IL1RAP: variants seen among roughly 807,000 people sequenced by gnomAD.
IL1RAP encodes interleukin-1 receptor accessory protein.
A neutral mutation model predicts 60.7 loss-of-function variants in IL1RAP; 35 were observed. That is an observed-to-expected ratio of 0.58 (90% CI 0.44 to 0.76). The LOEUF is 0.76. IL1RAP is among the 30% of genes least tolerant of loss of function. The probability of loss-of-function intolerance (pLI) is 0.00; values close to 1 mark genes in which losing one functional copy is unlikely to be tolerated. For missense variants in IL1RAP, 572 were observed against 693.9 expected (o/e 0.82, Z 1.97); for synonymous variants, 268 against 250.9 (o/e 1.07, Z -0.64).
intron 1 of IL1RAP, among the ~76,000 whole-genome samples, chr3:190,534,916 A>G (rs1420576385): frequency 8.8e-6 from 1 of 113,862 alleles, no homozygotes; most frequent in Admixed American, 8.6e-5. Context: ...AGAGAATTAA[A>G]AAAAAAAAAA....
rs780721556 is a variant in IL1RAP, at chr3:190,564,364, G to A, written c.64+11G>A. The A allele has an allele frequency of 1.3e-6, 2 of 1,590,718 alleles. No homozygotes were observed. The highest frequency in any genetic ancestry group is 1.7e-6 in the Non-Finnish European group (2 of 1,158,886). On this transcript the variant is annotated intron_variant, in intron 3 of 11. Coordinates refer to ENST00000447382, the MANE Select transcript of IL1RAP (RefSeq NM_002182.4). Reference sequence around the variant, plus strand: ...AAAGTGATGCCTCAGGTAAGTGAATGGCTTTTGACAATGTATTAAAATGCA... The same window carrying A: ...AAAGTGATGCCTCAGGTAAGTGAATAGCTTTTGACAATGTATTAAAATGCA...
intron 1 of IL1RAP, among the ~76,000 whole-genome samples, chr3:190,533,313 C>T (rs1723149725): frequency 6.6e-6 from 1 of 152,102 alleles, no homozygotes; most frequent in Non-Finnish European, 1.5e-5. Context: ...GCCTAGACAT[C>T]TAGTTGGCAA....
At chr3:190,545,957 T>C (rs1031980594) in intron 1 of IL1RAP, among the ~76,000 whole-genome samples, 2 of 152,188 alleles carry the variant, frequency 1.3e-5, no homozygotes, top group African/African-American at 2.4e-5. Context: ...ATGGCTTTCA[T>C]TCCCCGCGTA....
At chr3:190,553,270 C>T (rs887761139) in intron 1 of IL1RAP, among the ~76,000 whole-genome samples, 1 of 152,182 alleles carries the variant, frequency 6.6e-6, no homozygotes, top group Admixed American at 6.5e-5. Context: ...AGACCAGCCT[C>T]ACAAATCCTT....
At position 190,645,739 on chromosome 3, in the gene IL1RAP, T is replaced by C. The variant is rs769942391; in HGVS notation, c.1242T>C (p.Asn414=). Residue 414 remains asparagine, a synonymous_variant, in exon 11 of 12, where the codon AAT becomes AAC. Coordinates refer to ENST00000447382, the MANE Select transcript of IL1RAP (RefSeq NM_002182.4). ...ATATTTATGTATCCTATGCAAGGAATGCGGAAGAAGAAGAATTTGTATTAC... is the reference window on the plus strand; with the variant it reads ...ATATTTATGTATCCTATGCAAGGAACGCGGAAGAAGAAGAATTTGTATTAC... The part of the protein sequence containing the change: ...EYDIYVSYAR[N]AEEEEFVLLT... 6.2e-7 allele frequency: 1 copy of C among 1,612,756 alleles called. No individual in the cohort carries two copies. Among genetic ancestry groups the C allele is most frequent in the East Asian group, 2.2e-5 (1 of 44,864 alleles).
chr3:190,526,306 G>A (rs1488930435), intron 1 of IL1RAP, among the ~76,000 whole-genome samples: 1 of 152,204 alleles, frequency 6.6e-6, no homozygotes, highest in African/African-American at 2.4e-5. Context: ...ATCAGTGGTA[G>A]TGTCAATATT....
exon 12 of IL1RAP, chr3:190,659,692 T>C (rs918203188): frequency 2.6e-5 from 4 of 152,212 alleles, no homozygotes; most frequent in Non-Finnish European, 5.9e-5. Flanking sequence ...TGTTTGAACA[T>C]GGTCTCTCTG....
intron 2 of IL1RAP, among the ~76,000 whole-genome samples, chr3:190,562,893 A>G (rs990246793): frequency 6.6e-6 from 1 of 152,158 alleles, no homozygotes; most frequent in Non-Finnish European, 1.5e-5. Flanking sequence ...GGTGCTGGGA[A>G]GAAAACATCA....
intron 3 of IL1RAP, among the ~76,000 whole-genome samples, chr3:190,570,857 T>A (rs1261401746): frequency 6.6e-6 from 1 of 152,108 alleles, no homozygotes; most frequent in African/African-American, 2.4e-5. Context: ...ACTTTCATAT[T>A]TTTTTTAAAG....
At chr3:190,522,419 GTATCTATC>G (rs36196626) in intron 1 of IL1RAP, among the ~76,000 whole-genome samples, 21,707 of 142,508 alleles carry the variant, frequency 0.15, 1,643 homozygotes, top group East Asian at 0.25. Flanking sequence ...ATGTATCTAT[GTATCTATC>G]TATCTATCTA....
At position 190,620,432 on chromosome 3, in the gene IL1RAP, A is replaced by G. The variant is rs767856130; in HGVS notation, c.695A>G (p.Lys232Arg). The change falls in exon 6 of 12, where the codon AAG becomes AGG. Residue 232 changes from lysine (K) to arginine (R), a missense_variant. Lys to Arg is a conservative substitution (Grantham distance 26). Coordinates refer to ENST00000447382, the MANE Select transcript of IL1RAP (RefSeq NM_002182.4). The part of the protein sequence containing the change: ...TFHLTRTLTV[K>R]VVGSPKNAVP... Reference sequence around the variant, plus strand: ...CATCTCACCAGGACTCTGACTGTAAAGGTAGTAGGTAAGCATGATTAGTGT... The same window carrying G: ...CATCTCACCAGGACTCTGACTGTAAGGGTAGTAGGTAAGCATGATTAGTGT... 2 of 1,611,072 alleles carry G rather than the reference A, an allele frequency of 1.2e-6. No individual in the cohort carries two copies.
At chr3:190,551,265 G>A (rs1485746445) in intron 1 of IL1RAP, among the ~76,000 whole-genome samples, 2 of 152,174 alleles carry the variant, frequency 1.3e-5, no homozygotes, top group African/African-American at 2.4e-5. Flanking sequence ...TCCTTAAAGG[G>A]GAGCATATTC....
chr3:190,557,497 A>T (rs1457804017), intron 2 of IL1RAP, among the ~76,000 whole-genome samples: 1 of 152,182 alleles, frequency 6.6e-6, no homozygotes, highest in Non-Finnish European at 1.5e-5. Flanking sequence ...ATCTAAGAGG[A>T]GTGTGCTAAT....
exon 12 of IL1RAP, chr3:190,658,784 C>G (rs1229173349): frequency 6.6e-6 from 1 of 152,082 alleles, no homozygotes; most frequent in East Asian, 1.9e-4. Context: ...TCGAAACAAA[C>G]AAACAAACAA....
chr3:190,569,945 A>G (rs1726769228), intron 3 of IL1RAP, among the ~76,000 whole-genome samples: 1 of 152,072 alleles, frequency 6.6e-6, no homozygotes, highest in African/African-American at 2.4e-5. Context: ...CTGAATATTC[A>G]TTTCTACCAT....
chr3:190,543,855 A>G (rs2108570066), intron 1 of IL1RAP, among the ~76,000 whole-genome samples: 1 of 152,246 alleles, frequency 6.6e-6, no homozygotes, highest in Middle Eastern at 3.4e-3. Flanking sequence ...CTAGGATATG[A>G]TGTGTGAGCA....
At chr3:190,540,289 TA>T (rs1364391147) in intron 1 of IL1RAP, among the ~76,000 whole-genome samples, 1 of 152,134 alleles carries the variant, frequency 6.6e-6, no homozygotes, top group Non-Finnish European at 1.5e-5. Context: ...CAAGGTGTCT[TA>T]TTACCTTTCC....
intron 7 of IL1RAP, among the ~76,000 whole-genome samples, chr3:190,626,933 G>A (rs1260721293): frequency 2.0e-5 from 3 of 152,090 alleles, no homozygotes; most frequent in African/African-American, 4.8e-5. Context: ...GCCTCCCAAA[G>A]TGCTGGGATT....
At chr3:190,566,817 A>G (rs1471414173) in intron 3 of IL1RAP, among the ~76,000 whole-genome samples, 1 of 152,172 alleles carries the variant, frequency 6.6e-6, no homozygotes, top group Non-Finnish European at 1.5e-5. Context: ...ATCATTGCGC[A>G]TCTTGAGGGA....
Sources: allele counts gnomAD v4.1 joint callset (sites outside exome capture counted in the v4.1 genomes callset), GRCh38; gene constraint gnomAD v4.1.1; transcripts MANE v1.5; gene names NCBI Gene and HGNC (gene_info 2026-07-23, HGNC 2026-07-21).